The following CSMD1 variants were observed in gnomAD, a reference collection of about 807,000 sequenced individuals.
CSMD1 encodes CUB and Sushi multiple domains 1, also known as CUB and sushi domain-containing protein 1.
A neutral mutation model predicts 417.5 loss-of-function variants in CSMD1; 213 were observed. The observed-to-expected ratio is 0.51, with a 90% confidence interval of 0.46 to 0.57. The LOEUF (loss-of-function observed/expected upper bound fraction) is 0.57. Among genes scored for constraint, CSMD1 ranks in the 20% least tolerant of loss-of-function variants. The pLI is 0.00. For synonymous variants in CSMD1, 2,862 were observed against 1,736.8 expected (o/e 1.65, Z -16.11); for missense variants, 6,923 against 4,529.7 (o/e 1.53, Z -15.17).
intron 5 of CSMD1, among the ~76,000 whole-genome samples, chr8:3,915,382 G>C (rs1283831861): frequency 2.1e-5 from 3 of 140,760 alleles, no homozygotes; most frequent in African/African-American, 8.1e-5. Context: ...CTCCAGCCTA[G>C]GCGTCACAGT....
chr8:3,179,200 CT>C (rs1435748879), intron 37 of CSMD1, among the ~76,000 whole-genome samples: 9 of 152,076 alleles, frequency 5.9e-5, no homozygotes, highest in Admixed American at 3.3e-4. Flanking sequence ...CCGCCTTGGC[CT>C]CCCAAAGTGC....
At chr8:3,758,909 C>G (rs1195453773) in intron 5 of CSMD1, among the ~76,000 whole-genome samples, 3 of 152,094 alleles carry the variant, frequency 2.0e-5, no homozygotes, top group Non-Finnish European at 4.4e-5. Context: ...GGCAGGAGGA[C>G]AAGGTTCCAG....
intron 5 of CSMD1, among the ~76,000 whole-genome samples, chr8:3,914,573 C>A (rs1808686496): frequency 6.6e-6 from 1 of 152,104 alleles, no homozygotes; most frequent in Non-Finnish European, 1.5e-5. Flanking sequence ...GCAGTTTACT[C>A]CTTAAAATAA....
chr8:4,968,241 A>C lies in CSMD1; in HGVS notation c.85+26091T>G, dbSNP rs1040392909. On this transcript the variant is annotated intron_variant, in intron 1 of 69. Coordinates refer to ENST00000635120, the MANE Select transcript of CSMD1 (RefSeq NM_033225.6). ...GGTTTTGATTCATTTTTAAAAATTC[A>C]ATTTATATTATGGAGAGCTAACTAC... Among the ~76,000 whole-genome samples the C allele has an allele frequency of 5.0e-5, 7 of 138,714 alleles. No homozygotes were observed. The East Asian group carries it at 5.9e-4, about 12-fold the overall frequency. The allele number at this position is 138,714 out of a possible 152,430, so 91.0% of individuals were successfully genotyped here. A position where few individuals can be genotyped will look rare whatever the true frequency, so the allele number is the denominator to read the frequency against.
At chr8:2,982,490 T>A (rs1805508721) in intron 54 of CSMD1, among the ~76,000 whole-genome samples, 1 of 152,254 alleles carries the variant, frequency 6.6e-6, no homozygotes, top group Non-Finnish European at 1.5e-5. Flanking sequence ...TAAGTGAACG[T>A]ACTGATCGCC....
chr8:4,060,868 G>C (rs1563070506), intron 3 of CSMD1, among the ~76,000 whole-genome samples: 1 of 152,086 alleles, frequency 6.6e-6, no homozygotes, highest in Non-Finnish European at 1.5e-5. Flanking sequence ...CAGACAGGAA[G>C]AAAACAAAGG....
intron 50 of CSMD1, among the ~76,000 whole-genome samples, chr8:3,039,009 G>C (rs1195467102): frequency 1.3e-5 from 2 of 152,102 alleles, no homozygotes; most frequent in African/African-American, 4.8e-5. Flanking sequence ...AGCAGACTAG[G>C]TCAACTCTTG....
intron 23 of CSMD1, among the ~76,000 whole-genome samples, chr8:3,315,721 A>G (rs1584986203): frequency 6.6e-6 from 1 of 152,186 alleles, no homozygotes; most frequent in African/African-American, 2.4e-5. Flanking sequence ...TTAAGGTAAA[A>G]CATCAAAAAG....
At chr8:3,971,658 G>C (rs1813098702) in intron 5 of CSMD1, among the ~76,000 whole-genome samples, 1 of 152,148 alleles carries the variant, frequency 6.6e-6, no homozygotes, top group Non-Finnish European at 1.5e-5. Flanking sequence ...CCTGATCCGT[G>C]TGGAACATGG....
At chr8:3,987,362 A>G (rs1260640589) in intron 5 of CSMD1, among the ~76,000 whole-genome samples, 1 of 152,182 alleles carries the variant, frequency 6.6e-6, no homozygotes, top group Admixed American at 6.5e-5. Context: ...TGCATTGCTT[A>G]TTTGTTGTTT....
chr8:4,396,240 T>C (rs1448787478), intron 3 of CSMD1, among the ~76,000 whole-genome samples: 1 of 151,888 alleles, frequency 6.6e-6, no homozygotes, highest in East Asian at 1.9e-4. Flanking sequence ...GGTAGGCAGA[T>C]CGCTTGAGCC....
chr8:4,910,056 C>G (rs1485695033), intron 1 of CSMD1, among the ~76,000 whole-genome samples: 1 of 152,210 alleles, frequency 6.6e-6, no homozygotes, highest in African/African-American at 2.4e-5. Context: ...TCTTAACTCC[C>G]ACTTTCTGTA....
chr8:3,913,727 G>A (rs947948368), intron 5 of CSMD1, among the ~76,000 whole-genome samples: 7 of 152,274 alleles, frequency 4.6e-5, no homozygotes, highest in Non-Finnish European at 7.3e-5. Flanking sequence ...GGGAAGGCAG[G>A]AGTGGGGAAG....
chr8:4,857,133 C>T (rs2116857796), intron 1 of CSMD1, among the ~76,000 whole-genome samples: 1 of 151,324 alleles, frequency 6.6e-6, no homozygotes, highest in African/African-American at 2.4e-5. Flanking sequence ...CGCTCAACTA[C>T]ATGGAAACTG....
chr8:3,518,254 T>A (rs1207804165), intron 10 of CSMD1, among the ~76,000 whole-genome samples: 2 of 152,196 alleles, frequency 1.3e-5, no homozygotes, highest in African/African-American at 4.8e-5. Context: ...TAAATATGTT[T>A]CTTCAAATAA....
chr8:3,509,408 C>A (rs977077009), intron 10 of CSMD1, among the ~76,000 whole-genome samples: 4 of 152,130 alleles, frequency 2.6e-5, no homozygotes, highest in African/African-American at 7.2e-5. Context: ...CAATTTTAGA[C>A]AATTTTCTCA....
At chr8:4,905,947 C>T (rs1805240876) in intron 1 of CSMD1, among the ~76,000 whole-genome samples, 1 of 152,158 alleles carries the variant, frequency 6.6e-6, no homozygotes, top group African/African-American at 2.4e-5. Context: ...GTTTCCCAAA[C>T]CCCCATTCAT....
chr8:4,994,822 G>A lies in CSMD1; in HGVS notation c.-406C>T, dbSNP rs537110865. The A allele has an allele frequency of 3.9e-4, 55 of 141,484 alleles. No homozygotes were observed. The highest frequency in any genetic ancestry group is 1.8e-3 in the African/African-American group (49 of 27,058). The allele number at this position is 141,484 out of a possible 1,614,324, so 8.8% of individuals were successfully genotyped here. A position where few individuals can be genotyped will look rare whatever the true frequency, so the allele number is the denominator to read the frequency against. ...AGCGAGTGGGAGATGCGGGGAGGGG[G>A]GCGCGGGGGGGAGGAGAGATCCAGT... On this transcript the variant is annotated 5_prime_UTR_variant, in exon 1 of 70. Transcript: ENST00000635120.
chr8:3,965,644 G>C (rs1585045435), intron 5 of CSMD1, among the ~76,000 whole-genome samples: 1 of 151,952 alleles, frequency 6.6e-6, no homozygotes, highest in Non-Finnish European at 1.5e-5. Context: ...TTGAAATGGA[G>C]TCTCACCCTG....
Sources: gnomAD v4.1 joint callset for allele counts (sites outside exome capture counted in the v4.1 genomes callset) on GRCh38, gnomAD v4.1.1 for gene constraint, MANE v1.5 for transcripts, NCBI Gene and HGNC (gene_info 2026-07-23, HGNC 2026-07-21) for gene names.